ARK2C: variants seen among roughly 807,000 people sequenced by gnomAD.
The protein encoded by ARK2C is arkadia (RNF111) C-terminal like ring finger ubiquitin ligase 2C.
the ARK2C span, among the ~76,000 whole-genome samples, chr18:46,389,772 A>G: frequency 6.6e-6 from 1 of 151,538 alleles, no homozygotes; most frequent in East Asian, 1.9e-4. Context: ...ACTGTCACCC[A>G]GGCTGCAGTG....
the ARK2C span, among the ~76,000 whole-genome samples, chr18:46,360,102 C>T: frequency 0.45 from 68,067 of 151,996 alleles, 15,625 homozygotes; most frequent in East Asian, 0.57. Context: ...TACCCTGAGA[C>T]GCATCACAAG....
At chr18:46,426,209 C>T in the ARK2C span, among the ~76,000 whole-genome samples, 1 of 152,204 alleles carries the variant, frequency 6.6e-6, no homozygotes, top group African/African-American at 2.4e-5. Flanking sequence ...CTGTTCCCTT[C>T]TGCCCGTCCA....
the ARK2C span, among the ~76,000 whole-genome samples, chr18:46,382,389 C>A: frequency 6.6e-6 from 1 of 152,234 alleles, no homozygotes; most frequent in Non-Finnish European, 1.5e-5. Flanking sequence ...TTGGTCCTGG[C>A]TGGGTCTGAG....
At chr18:46,455,692 C>T in the ARK2C span, among the ~76,000 whole-genome samples, 1 of 152,030 alleles carries the variant, frequency 6.6e-6, no homozygotes, top group Non-Finnish European at 1.5e-5. Context: ...AAAAATTAGC[C>T]AGGCATGATG....
the ARK2C span, among the ~76,000 whole-genome samples, chr18:46,347,448 C>A: frequency 6.6e-6 from 1 of 152,094 alleles, no homozygotes; most frequent in Admixed American, 6.5e-5. Context: ...TCGTGCCGCC[C>A]CTGGAAAGAG....
chr18:46,406,058 C>T, the ARK2C span, among the ~76,000 whole-genome samples: 12 of 152,218 alleles, frequency 7.9e-5, no homozygotes, highest in African/African-American at 2.9e-4. Context: ...GTACACACTC[C>T]TCCCACATAC....
chr18:46,415,957 A>G, the ARK2C span, among the ~76,000 whole-genome samples: 1 of 152,060 alleles, frequency 6.6e-6, no homozygotes, highest in Non-Finnish European at 1.5e-5. Context: ...TGAAAATGGA[A>G]ACCAATTTGG....
At chr18:46,378,732 C>G in the ARK2C span, among the ~76,000 whole-genome samples, 1 of 152,154 alleles carries the variant, frequency 6.6e-6, no homozygotes, top group South Asian at 2.1e-4. Context: ...GCCACCATGT[C>G]TAGGGCAGAG....
the ARK2C span, among the ~76,000 whole-genome samples, chr18:46,419,626 C>T: frequency 1.3e-5 from 2 of 152,136 alleles, no homozygotes; most frequent in Admixed American, 6.5e-5. Context: ...AAGCAATGAG[C>T]GGAGTGGGCA....
chr18:46,412,620 C>A, the ARK2C span, among the ~76,000 whole-genome samples: 1 of 152,196 alleles, frequency 6.6e-6, no homozygotes, highest in Non-Finnish European at 1.5e-5. Context: ...CACCTCCTCT[C>A]TCCTCCCTAC....
the ARK2C span, among the ~76,000 whole-genome samples, chr18:46,392,968 G>A: frequency 0.015 from 2,308 of 152,176 alleles, 52 homozygotes; most frequent in African/African-American, 0.053. Context: ...ACACCACCCT[G>A]GAAGGGAAAT....
chr18:46,418,863 C>T, the ARK2C span, among the ~76,000 whole-genome samples: 1 of 152,322 alleles, frequency 6.6e-6, no homozygotes, highest in South Asian at 2.1e-4. Context: ...TCAGCACCTC[C>T]GTGGTTTTCC....
chr18:46,394,071 G>T, the ARK2C span, among the ~76,000 whole-genome samples: 4 of 152,274 alleles, frequency 2.6e-5, no homozygotes, highest in East Asian at 7.7e-4. Context: ...CTCGGGTACC[G>T]GAAATCCTGC....
chr18:46,395,240 C>G, the ARK2C span, among the ~76,000 whole-genome samples: 44 of 152,306 alleles, frequency 2.9e-4, no homozygotes, highest in East Asian at 8.5e-3. Context: ...TCCTTGAGCC[C>G]ACGTCTCCAG....
the ARK2C span, among the ~76,000 whole-genome samples, chr18:46,399,012 A>T: frequency 6.6e-6 from 1 of 152,142 alleles, no homozygotes; most frequent in Admixed American, 6.5e-5. Context: ...TGATTCTGTG[A>T]GTTACCACGA....
chr18:46,351,703 T>C, the ARK2C span, among the ~76,000 whole-genome samples: 1 of 152,178 alleles, frequency 6.6e-6, no homozygotes, highest in Admixed American at 6.5e-5. Context: ...AAAGATAACT[T>C]AGACAGTTCT....
chr18:46,396,365 T>A, the ARK2C span, among the ~76,000 whole-genome samples: 3 of 151,902 alleles, frequency 2.0e-5, no homozygotes, highest in Admixed American at 2.0e-4. Flanking sequence ...GGCCCATCAG[T>A]GAGAGAGAGA....
the ARK2C span, among the ~76,000 whole-genome samples, chr18:46,408,838 G>A: frequency 1.4e-4 from 21 of 152,180 alleles, no homozygotes. Flanking sequence ...AGTCTGTGAT[G>A]AGCCTTCATC....
chr18:46,439,704 TA>T, the ARK2C span, among the ~76,000 whole-genome samples: 121,464 of 152,134 alleles, frequency 0.8, 49,655 homozygotes, highest in African/African-American at 0.89. Context: ...ACTTTTTTAT[TA>T]AAAAAAACCC....
Sources: allele counts gnomAD v4.1 joint callset (sites outside exome capture counted in the v4.1 genomes callset), GRCh38; gene constraint gnomAD v4.1.1; transcripts MANE v1.5; gene names NCBI Gene and HGNC (gene_info 2026-07-23, HGNC 2026-07-21).